Variants in UBAC1 observed in about 807,000 individuals in gnomAD.
The protein encoded by UBAC1 is UBA domain containing 1, also known as ubiquitin-associated domain-containing protein 1.
Under a neutral mutation model 45.9 loss-of-function variants are expected in UBAC1, and 27 were observed. The observed-to-expected ratio is 0.59, with a 90% CI of 0.43 to 0.81. The LOEUF (loss-of-function observed/expected upper bound fraction) is 0.81. Among genes scored for constraint, UBAC1 ranks in the 30% least tolerant of loss-of-function variants. The pLI, the probability that UBAC1 is intolerant of heterozygous loss-of-function variation, is 0.00. For synonymous variants in UBAC1, 227 were observed against 215.5 expected (o/e 1.05, Z -0.47); for missense variants, 529 against 539.2 (o/e 0.98, Z 0.19).
At chr9:135,948,421 G>A (rs1049078915) in intron 3 of UBAC1, among the ~76,000 whole-genome samples, 6 of 152,278 alleles carry the variant, frequency 3.9e-5, no homozygotes, top group Admixed American at 6.5e-5. Flanking sequence ...GAGCTACAAA[G>A]GCTCAGGCCA....
At chr9:135,942,684 C>A (rs1284878351) in intron 7 of UBAC1, among the ~76,000 whole-genome samples, 6 of 151,018 alleles carry the variant, frequency 4.0e-5, no homozygotes, top group Non-Finnish European at 1.5e-5. Flanking sequence ...CTTTTACATG[C>A]AGAGCTAACC....
chr9:135,944,681 G>A (rs1220858360), intron 7 of UBAC1, among the ~76,000 whole-genome samples: 1 of 152,258 alleles, frequency 6.6e-6, no homozygotes, highest in African/African-American at 2.4e-5. Context: ...CAGAGAGGCT[G>A]CCGAACAGGG....
At position 135,939,679 on chromosome 9, in the gene UBAC1, A is replaced by G; in HGVS notation, c.957T>C (p.Asn319=). 6.2e-7 allele frequency: 1 copy of G among 1,613,292 alleles called. No homozygotes were observed. ...DALRVNNNQQ[N]AACEWLLGDR... is the part of the protein sequence containing the mutation. Reference sequence around the variant, plus strand: ...ACCACAGCCCAACACTCACCGCGGCATTCTGCTGGTTGTTGTTCACTCTGA... The same window carrying G: ...ACCACAGCCCAACACTCACCGCGGCGTTCTGCTGGTTGTTGTTCACTCTGA... Residue 319 remains asparagine (N), a synonymous_variant, in exon 8 of 10, where the codon AAT becomes AAC. Transcript: ENST00000371756.
intron 1 of UBAC1, among the ~76,000 whole-genome samples, chr9:135,960,610 C>G (rs576339610): frequency 6.6e-6 from 1 of 152,266 alleles, no homozygotes; most frequent in East Asian, 1.9e-4. Context: ...CTCACCCCAA[C>G]AGCAAAAAGG....
Position 135,961,193 on chromosome 9 carries a change from C to T in UBAC1, c.-31G>A. 1 of 1,492,574 alleles carries T rather than the reference C, an allele frequency of 6.7e-7. No individual in the cohort carries two copies. The highest frequency in any genetic ancestry group is 8.9e-7 in the Non-Finnish European group (1 of 1,128,404). 92.5% of individuals were successfully genotyped at this position (1,492,574 alleles called of 1,614,324 possible). On this transcript the variant is annotated 5_prime_UTR_variant, in exon 1 of 10. Transcript: ENST00000371756. Reference sequence around the variant, plus strand: ...CGCCGCCGCAGGGGCCTGCGCCCGCCACCCGGGCCCCTGAAGGTCACCGGG... The same window carrying T: ...CGCCGCCGCAGGGGCCTGCGCCCGCTACCCGGGCCCCTGAAGGTCACCGGG...
At chr9:135,953,960 G>T (rs181887684) in intron 2 of UBAC1, 28 of 303,418 alleles carry the variant, frequency 9.2e-5, no homozygotes, top group Non-Finnish European at 1.5e-4. Context: ...CCAACACGGT[G>T]AAACCCCATC....
intron 9 of UBAC1, 87 bp downstream of exon 9, chr9:135,938,135 G>GT: frequency 6.5e-7 from 1 of 1,545,842 alleles, no homozygotes; most frequent in South Asian, 1.2e-5. Context: ...TGGATCCTCC[G>GT]TATCGCCTCC....
intron 4 of UBAC1, chr9:135,947,593 A>C (rs1440477281): frequency 4.1e-6 from 2 of 490,508 alleles, no homozygotes; most frequent in Non-Finnish European, 7.2e-6. Context: ...TCCTGCCTTC[A>C]GATGGCTTTC....
At chr9:135,946,235 C>A (rs759730820) in intron 5 of UBAC1, 34 bp downstream of exon 5, 1 of 1,482,728 alleles carries the variant, frequency 6.7e-7, no homozygotes, top group African/African-American at 1.4e-5. Context: ...GGCAGTGAAC[C>A]GCCCTGGAAT....
rs761236236 is a variant in UBAC1, at chr9:135,938,408, C to A, written c.964-48G>T. The A allele has an allele frequency of 2.5e-6, 4 of 1,588,836 alleles. No homozygotes were observed. In the South Asian group the frequency reaches 4.5e-5, roughly 18 times the overall value. On this transcript the variant is annotated intron_variant, in intron 8 of 9. Coordinates refer to ENST00000371756, the MANE Select transcript of UBAC1 (RefSeq NM_016172.3). ...ACCACTGTTAGCGCCTTCAGTGCCT[C>A]CGCAAGACGCCACCAGCAGCAGGCA...
intron 1 of UBAC1, among the ~76,000 whole-genome samples, chr9:135,959,371 GGTTT>G (rs1281157989): frequency 4.8e-5 from 5 of 103,912 alleles, no homozygotes; most frequent in African/African-American, 2.0e-4. Flanking sequence ...TTTTTTGTCT[GGTTT>G]TTTTTTTTTT....
intron 7 of UBAC1, among the ~76,000 whole-genome samples, chr9:135,943,543 T>C (rs983050506): frequency 6.6e-6 from 1 of 152,172 alleles, no homozygotes; most frequent in Non-Finnish European, 1.5e-5. Flanking sequence ...GTGGAAGACA[T>C]GTGGTGATTC....
At chr9:135,933,967 A>C (rs1438122349) in intron 9 of UBAC1, among the ~76,000 whole-genome samples, 2 of 152,212 alleles carry the variant, frequency 1.3e-5, no homozygotes, top group East Asian at 1.9e-4. Context: ...TCTTCAAAAA[A>C]CCAGCACATT....
intron 9 of UBAC1, among the ~76,000 whole-genome samples, chr9:135,935,418 G>T (rs1231031893): frequency 6.6e-6 from 1 of 152,160 alleles, no homozygotes; most frequent in Non-Finnish European, 1.5e-5. Flanking sequence ...GGCAGAGGTG[G>T]GGGGAGCGCT....
Position 135,953,210 on chromosome 9 carries a change from G to A in UBAC1, c.333+470C>T, listed in dbSNP as rs1046254077. On this transcript the variant is annotated intron_variant, in intron 3 of 9. Coordinates refer to ENST00000371756, the MANE Select transcript of UBAC1 (RefSeq NM_016172.3). ...TGACACGGATTAAACAGGCTCTGCC[G>A]GGAGAGAGAACCCCTTATAACCACA... Among the ~76,000 whole-genome samples, 5 of 152,234 alleles carry A rather than the reference G, an allele frequency of 3.3e-5. No individual in the cohort carries two copies. The East Asian group carries it at 7.7e-4, about 23-fold the overall frequency.
At chr9:135,942,000 A>ACATTCTACGG (rs1839275081) in intron 7 of UBAC1, among the ~76,000 whole-genome samples, 1 of 152,256 alleles carries the variant, frequency 6.6e-6, no homozygotes, top group Non-Finnish European at 1.5e-5. Context: ...GATTTTCATC[A>ACATTCTACGG]AAGAAGACAT....
At chr9:135,953,641 T>C (rs1455904789) in intron 3 of UBAC1, 39 bp downstream of exon 3, 3 of 1,585,670 alleles carry the variant, frequency 1.9e-6, no homozygotes, top group Non-Finnish European at 2.6e-6. Context: ...TGTAGACTTC[T>C]ACCAACCAAG....
At chr9:135,939,178 G>C (rs1321071642) in intron 8 of UBAC1, among the ~76,000 whole-genome samples, 4 of 150,944 alleles carry the variant, frequency 2.6e-5, no homozygotes, top group Non-Finnish European at 4.4e-5. Flanking sequence ...TCCAGCCTGG[G>C]GGACAGAGTG....
chr9:135,943,884 C>T (rs1177643593), intron 7 of UBAC1, among the ~76,000 whole-genome samples: 1 of 152,142 alleles, frequency 6.6e-6, no homozygotes, highest in East Asian at 1.9e-4. Flanking sequence ...AAAACCAAGC[C>T]CCTCATGTTC....
Sources: allele counts gnomAD v4.1 joint callset (sites outside exome capture counted in the v4.1 genomes callset), GRCh38; gene constraint gnomAD v4.1.1; transcripts MANE v1.5; gene names NCBI Gene and HGNC (gene_info 2026-07-23, HGNC 2026-07-21).